TLN1: variants seen among roughly 807,000 people sequenced by gnomAD.
The protein encoded by TLN1 is talin 1, also known as talin-1.
Under a neutral mutation model 292.3 loss-of-function variants are expected in TLN1, and 56 were observed. The ratio of observed to expected loss-of-function variants is 0.19; its 90% CI spans 0.15 to 0.24. TLN1 has a LOEUF of 0.24. Among genes scored for constraint, TLN1 ranks in the 10% least tolerant of loss-of-function variants. The pLI, the probability that TLN1 is intolerant of heterozygous loss-of-function variation, is 1.00. For missense variants in TLN1, 2,433 were observed against 3,248.2 expected, an observed-to-expected ratio of 0.75 and a Z score of 6.10; for synonymous variants, 1,119 against 1,253.7, an observed-to-expected ratio of 0.89 and a Z score of 2.27.
Position 35,705,537 on chromosome 9 carries a change from G to A in TLN1, c.5733+14C>T, listed in dbSNP as rs757554450. On this transcript the variant is annotated intron_variant, in intron 43 of 56. Coordinates refer to ENST00000314888, the MANE Select transcript of TLN1 (RefSeq NM_006289.4). Reference sequence around the variant, plus strand: ...AAGGGGCAGGGGGCAGGGCAGAGTTGCCTCCACGTTTACCTCTTCATTTTC... The same window carrying A: ...AAGGGGCAGGGGGCAGGGCAGAGTTACCTCCACGTTTACCTCTTCATTTTC... 6.4e-7 allele frequency: 1 copy of A among 1,563,520 alleles called. No individual in the cohort carries two copies. The highest frequency in any genetic ancestry group is 8.7e-7 in the Non-Finnish European group (1 of 1,152,560).
rs753187361 is a variant in TLN1, at chr9:35,703,994, G to A, written c.6228C>T (p.Thr2076=). 3 of 1,612,620 alleles carry A rather than the reference G, an allele frequency of 1.9e-6. No homozygotes were observed. In the African/African-American group the frequency reaches 4.0e-5, roughly 22 times the overall value. ...ATTAGGGGCATCAGGTCACTACCTG[G>A]GTCTCAGGGTCCTCAGCTCCCAGGC... ...AASLGAEDPE[T]QVVLINAVKD... Residue 2076 remains threonine, a synonymous_variant, in exon 46 of 57, where the codon ACC becomes ACT. Transcript: ENST00000314888.
At chr9:35,700,561 A>C (rs1245024028) in intron 48 of TLN1, among the ~76,000 whole-genome samples, 185 bp from the exon 49 acceptor site, 1 of 152,248 alleles carries the variant, frequency 6.6e-6, no homozygotes, top group Non-Finnish European at 1.5e-5. Context: ...TCACAAAAGT[A>C]ATTACAAAAG....
At chr9:35,718,700 T>C (rs1214107150) in intron 17 of TLN1, 112 bp downstream of exon 17, 2 of 818,000 alleles carry the variant, frequency 2.4e-6, no homozygotes, top group Admixed American at 2.1e-5. Context: ...AAATAGAGGT[T>C]CAGATTGGTT....
chr9:35,708,458 G>C lies in TLN1; in HGVS notation c.4353C>G (p.Asp1451Glu). ...CTTGCTGTCCAGCTTGGCTATTGGG[G>C]TCAGAGACACCAACCAGATATGCAG... ...AQAAYLVGVS[D>E]PNSQAGQQGL... Residue 1451 changes from aspartate (D) to glutamate (E), a missense_variant, in exon 34 of 57, where the codon GAC becomes GAG. Coordinates refer to ENST00000314888, the MANE Select transcript of TLN1 (RefSeq NM_006289.4). 6.3e-7 allele frequency: 1 copy of C among 1,596,606 alleles called. No individual in the cohort carries two copies.
chr9:35,706,451 T>G lies in TLN1; in HGVS notation c.5189A>C (p.Lys1730Thr), dbSNP rs1447969386. Reference sequence around the variant, plus strand: ...CTTCCCATGAGTCTCCATAGGTACCTTGTGTCCCAGCTGGGAGGCTTCAGC... The same window carrying G: ...CTTCCCATGAGTCTCCATAGGTACCGTGTGTCCCAGCTGGGAGGCTTCAGC... ...ARAEASQLGH[K>T]VSQMAQYFEP... Residue 1730 changes from lysine (K) to threonine (T), a missense_variant and splice_region_variant, in exon 39 of 57, where the codon AAG (lysine) becomes ACG (threonine). Physicochemically the swap from Lys to Thr is moderately conservative, Grantham distance 78. Coordinates refer to ENST00000314888, the MANE Select transcript of TLN1 (RefSeq NM_006289.4). This position sits in a 1 kb window ranked among gnomAD's most constrained non-coding sequence, Gnocchi z 4.2. 6.2e-7 allele frequency: 1 copy of G among 1,614,100 alleles called. No homozygotes were observed. The highest frequency in any genetic ancestry group is 1.1e-5 in the South Asian group (1 of 91,080).
chr9:35,700,829 A>G (rs1215664389), intron 48 of TLN1, among the ~76,000 whole-genome samples: 1 of 152,194 alleles, frequency 6.6e-6, no homozygotes, highest in Non-Finnish European at 1.5e-5. Flanking sequence ...GTCATAAAAT[A>G]TTTTGATGTA....
chr9:35,722,940 G>A lies in TLN1; in HGVS notation c.783-19C>T, dbSNP rs1825902436. The A allele has an allele frequency of 1.9e-6, 3 of 1,613,286 alleles. No individual in the cohort carries two copies. The highest frequency in any genetic ancestry group is 1.7e-6 in the Non-Finnish European group (2 of 1,179,558). ...CTTCAGGCTACACCAGAAAAGGGAGGGTCAGCATGTGGTAGACAGCATCAG... is the reference window on the plus strand; with the variant it reads ...CTTCAGGCTACACCAGAAAAGGGAGAGTCAGCATGTGGTAGACAGCATCAG... On this transcript the variant is annotated intron_variant, in intron 7 of 56. Transcript: ENST00000314888.
chr9:35,729,472 G>T (rs1400493745), intron 1 of TLN1, among the ~76,000 whole-genome samples: 1 of 152,208 alleles, frequency 6.6e-6, no homozygotes, highest in East Asian at 1.9e-4. Flanking sequence ...GGGGTATGAG[G>T]AATTTTACTT....
chr9:35,699,329 C>T lies in TLN1; in HGVS notation c.6874+27G>A, dbSNP rs1563937552. 8.8e-6 allele frequency: 14 copies of T among 1,595,356 alleles called. No individual in the cohort carries two copies. The highest frequency in any genetic ancestry group is 8.5e-6 in the Non-Finnish European group (10 of 1,170,326). ...TCACACCATGATAAGGGTTTTCCATCCGTCCCTGTCCCTGGTCACCCCTCA... is the reference window on the plus strand; with the variant it reads ...TCACACCATGATAAGGGTTTTCCATTCGTCCCTGTCCCTGGTCACCCCTCA... On this transcript the variant is annotated intron_variant, in intron 51 of 56. Transcript: ENST00000314888. The surrounding 1 kb of genome is among the most constrained non-coding windows in gnomAD (Gnocchi z 4.0).
At position 35,724,622 on chromosome 9, in the gene TLN1, T is replaced by C. The variant is rs1316192196; in HGVS notation, c.461A>G (p.Asp154Gly). ...CTTTAGTTTCTCCATCTTCTTTTCA[T>C]CTCGCAGCAATGTCTTGTCCTTTCT... ...TLRKDKTLLR[D>G]EKKMEKLKQK... Residue 154 changes from aspartate (D) to glycine (G), a missense_variant, in exon 5 of 57, where the codon GAT becomes GGT. This residue lies in a region of TLN1 where 155 missense variants were observed against 287.9 expected (regional missense o/e 0.54). Coordinates refer to ENST00000314888, the MANE Select transcript of TLN1 (RefSeq NM_006289.4). The surrounding 1 kb of genome is among the most constrained non-coding windows in gnomAD (Gnocchi z 4.7). The C allele has an allele frequency of 1.2e-6, 2 of 1,614,124 alleles. No homozygotes were observed. The highest frequency in any genetic ancestry group is 1.7e-6 in the Non-Finnish European group (2 of 1,180,056).
intron 25 of TLN1, 152 bp downstream of exon 25, chr9:35,713,801 A>G: frequency 1.2e-6 from 1 of 810,594 alleles, no homozygotes. Flanking sequence ...AAAGAGAAAG[A>G]AAAAAGGAAG....
intron 17 of TLN1, 22 bp downstream of exon 17, chr9:35,718,790 G>A: frequency 1.3e-6 from 2 of 1,599,760 alleles, no homozygotes; most frequent in Non-Finnish European, 1.7e-6. Flanking sequence ...TGGGGTTCTG[G>A]GGGGTTGGGT....
chr9:35,729,465 G>A (rs1826031665), intron 1 of TLN1, among the ~76,000 whole-genome samples: 2 of 152,206 alleles, frequency 1.3e-5, no homozygotes, highest in South Asian at 2.1e-4. Context: ...CTGGAGAGGG[G>A]TATGAGGAAT....
intron 8 of TLN1, 56 bp downstream of exon 8, chr9:35,722,805 G>T: frequency 6.3e-7 from 1 of 1,581,496 alleles, no homozygotes; most frequent in East Asian, 2.2e-5. Context: ...TAGTCAGTAA[G>T]ATTAAGCAGC....
Position 35,698,188 on chromosome 9 carries a change from G to C in TLN1, c.7372-16C>G, listed in dbSNP as rs978216855. ...TGCCAGCAGCCTGGGCAGAGAGAAA[G>C]TGGCCTAGGTTGAGAACTCAGGTAC... On this transcript the variant is annotated splice_polypyrimidine_tract_variant and intron_variant, in intron 55 of 56. Coordinates refer to ENST00000314888, the MANE Select transcript of TLN1 (RefSeq NM_006289.4). This position sits in a 1 kb window ranked among gnomAD's most constrained non-coding sequence, Gnocchi z 5.3. 2.5e-6 allele frequency: 4 copies of C among 1,613,662 alleles called. No individual in the cohort carries two copies. Among genetic ancestry groups the C allele is most frequent in the African/African-American group, 2.7e-5 (2 of 74,940 alleles).
At chr9:35,709,757 C>G (rs1026136460) in intron 33 of TLN1, among the ~76,000 whole-genome samples, 4 of 148,712 alleles carry the variant, frequency 2.7e-5, no homozygotes, top group Non-Finnish European at 4.5e-5. Context: ...CATGGTGGCG[C>G]GCGCCTGTAG....
chr9:35,698,976 A>G lies in TLN1; in HGVS notation c.7000-43T>C, dbSNP rs145982678. 1.5e-3 allele frequency: 2,347 copies of G among 1,610,468 alleles called. 3 individuals carry two copies. The highest frequency in any genetic ancestry group is 1.9e-3 in the Non-Finnish European group (2,271 of 1,176,900). Reference sequence around the variant, plus strand: ...TGCAGAAAGAGATGTAAAGTCAGAGATGAAGGTGGGGACACTGCCATGGTG... The same window carrying G: ...TGCAGAAAGAGATGTAAAGTCAGAGGTGAAGGTGGGGACACTGCCATGGTG... On this transcript the variant is annotated intron_variant, in intron 52 of 56. Coordinates refer to ENST00000314888, the MANE Select transcript of TLN1 (RefSeq NM_006289.4). This position sits in a 1 kb window ranked among gnomAD's most constrained non-coding sequence, Gnocchi z 5.3.
chr9:35,719,188 C>A lies in TLN1; in HGVS notation c.1782G>T (p.Leu594=). ...LTEMSRGVKL[L]AALLEDEGGS... ...CGCCTTCGTCCTCCAGCAAGGCAGC[C>A]AGCAGCTTCACCCCACGGGACATCT... Residue 594 remains leucine, a synonymous_variant, in exon 16 of 57, where the codon CTG becomes CTT. Transcript: ENST00000314888. This position sits in a 1 kb window ranked among gnomAD's most constrained non-coding sequence, Gnocchi z 4.6. 1 of 1,614,202 alleles carries A rather than the reference C, an allele frequency of 6.2e-7. No individual in the cohort carries two copies. Among genetic ancestry groups the A allele is most frequent in the Non-Finnish European group, 8.5e-7 (1 of 1,180,022 alleles).
chr9:35,705,761 C>T lies in TLN1; in HGVS notation c.5602G>A (p.Val1868Ile), dbSNP rs1265029717. ...TCGCCCAAACTCACCATCTCCTGAA[C>T]GGTCACTGCAATGGCCTTGGCTGTC... ...VRTAKAIAVT[V>I]QEMVTKSNTS... Residue 1868 changes from valine to isoleucine, a missense_variant, in exon 42 of 57, where the codon GTT (valine) becomes ATT (isoleucine). Physicochemically the swap from Val to Ile is conservative, Grantham distance 29. Transcript: ENST00000314888. 8 of 1,614,212 alleles carry T rather than the reference C, an allele frequency of 5.0e-6. No homozygotes were observed. Among genetic ancestry groups the T allele is most frequent in the East Asian group, 4.5e-5 (2 of 44,892 alleles).
Sources: allele counts gnomAD v4.1 joint callset (sites outside exome capture counted in the v4.1 genomes callset), GRCh38; gene constraint gnomAD v4.1.1; regional missense constraint gnomAD v4.1.1; non-coding constraint Gnocchi (gnomAD v3.1); transcripts MANE v1.5; gene names NCBI Gene and HGNC (gene_info 2026-07-23, HGNC 2026-07-21).